Variants in PLXDC1 observed in about 807,000 individuals in gnomAD.
The protein encoded by PLXDC1 is plexin domain-containing protein 1.
PLXDC1 carries 39 observed loss-of-function variants against 61.3 expected under a neutral mutation model. The ratio of observed to expected loss-of-function variants is 0.64; its 90% CI spans 0.49 to 0.83. The LOEUF is 0.83. Ranked by LOEUF, PLXDC1 falls within the 40% of genes least tolerant of loss-of-function variation. The pLI is 0.00. For missense variants in PLXDC1, 596 were observed against 666.5 expected (o/e 0.89, Z 1.17); for synonymous variants, 212 against 254.5 (o/e 0.83, Z 1.59).
intron 2 of PLXDC1, among the ~76,000 whole-genome samples, chr17:39,135,633 T>G (rs902248885): frequency 5.5e-5 from 8 of 145,936 alleles, no homozygotes; most frequent in African/African-American, 2.1e-4. Flanking sequence ...ACCGAGAGAT[T>G]ACACCACTCA....
chr17:39,068,588 A>G (rs1323921620), intron 13 of PLXDC1, among the ~76,000 whole-genome samples: 1 of 152,166 alleles, frequency 6.6e-6, no homozygotes, highest in Non-Finnish European at 1.5e-5. Context: ...GAGGCACCAG[A>G]ATTGCTTGAA....
chr17:39,120,758 A>ATT (rs57148436), intron 2 of PLXDC1, among the ~76,000 whole-genome samples: 6 of 124,358 alleles, frequency 4.8e-5, no homozygotes, highest in South Asian at 2.7e-4. Context: ...CACCCAGCTA[A>ATT]TTTTTTTTTT....
intron 2 of PLXDC1, among the ~76,000 whole-genome samples, chr17:39,114,846 T>A (rs979624980): frequency 6.6e-6 from 1 of 152,116 alleles, no homozygotes; most frequent in Non-Finnish European, 1.5e-5. Context: ...AAGGTCTGGT[T>A]TCAATCAGCC....
chr17:39,145,173 C>T (rs1184706241), intron 1 of PLXDC1, among the ~76,000 whole-genome samples: 1 of 152,162 alleles, frequency 6.6e-6, no homozygotes, highest in East Asian at 1.9e-4. Flanking sequence ...CGGGGTGGGG[C>T]TGGCATGTGG....
At chr17:39,140,332 G>T (rs1567773694) in intron 1 of PLXDC1, among the ~76,000 whole-genome samples, 1 of 134,108 alleles carries the variant, frequency 7.5e-6, no homozygotes, top group Non-Finnish European at 1.6e-5. Flanking sequence ...TTGAAATGGA[G>T]TCTCGCTCTG....
chr17:39,091,158 T>C (rs1909934267), intron 7 of PLXDC1, among the ~76,000 whole-genome samples: 1 of 152,158 alleles, frequency 6.6e-6, no homozygotes, highest in Non-Finnish European at 1.5e-5. Flanking sequence ...GTTTCTTGCT[T>C]TTGCCACCAC....
Position 39,066,542 on chromosome 17 carries a change from A to G in PLXDC1, c.*1298T>C, listed in dbSNP as rs1289740210. On this transcript the variant is annotated 3_prime_UTR_variant, in exon 14 of 14. Coordinates refer to ENST00000315392, the MANE Select transcript of PLXDC1 (RefSeq NM_020405.5). ...ACCTTCTTTAGGCTTTCAGAGCTAC[A>G]GAAGCTGGGGCTAAAATGCCAACTC... The G allele has an allele frequency of 2.0e-5, 3 of 152,120 alleles. No homozygotes were observed. The highest frequency in any genetic ancestry group is 7.2e-5 in the African/African-American group (3 of 41,404). The allele number at this position is 152,120 out of a possible 1,614,324, so 9.4% of individuals were successfully genotyped here. A position where few individuals can be genotyped will look rare whatever the true frequency, so the allele number is the denominator to read the frequency against.
intron 2 of PLXDC1, among the ~76,000 whole-genome samples, chr17:39,110,468 G>C (rs963619288): frequency 6.6e-6 from 1 of 152,212 alleles, no homozygotes; most frequent in Non-Finnish European, 1.5e-5. Flanking sequence ...AGGAGGCCAG[G>C]GAAATGGTTG....
chr17:39,079,703 C>A (rs764159485), intron 9 of PLXDC1: 71 of 375,334 alleles, frequency 1.9e-4, no homozygotes, highest in Middle Eastern at 5.0e-4. Flanking sequence ...CTGGAAGACA[C>A]CAAGCGCCCC....
At chr17:39,132,453 C>T (rs536791340) in intron 2 of PLXDC1, among the ~76,000 whole-genome samples, 2 of 152,188 alleles carry the variant, frequency 1.3e-5, no homozygotes, top group East Asian at 1.9e-4. Context: ...AATCTTGAGT[C>T]TGGACAAGAG....
intron 7 of PLXDC1, among the ~76,000 whole-genome samples, chr17:39,095,477 T>C (rs2143565387): frequency 6.8e-6 from 1 of 147,580 alleles, no homozygotes; most frequent in South Asian, 2.2e-4. Context: ...ACAGATCCTT[T>C]CTGGAACCAA....
rs906959277 is a variant in PLXDC1, at chr17:39,151,347, T to C, written c.76+15A>G. On this transcript the variant is annotated intron_variant, in intron 1 of 13. Coordinates refer to ENST00000315392, the MANE Select transcript of PLXDC1 (RefSeq NM_020405.5). The surrounding 1 kb of genome is among the most constrained non-coding windows in gnomAD (Gnocchi z 5.2). ...CCGCCCCCGGCCCACCCGGGCCGGC[T>C]CCCGCCAGTCCTACCTGCTCCGGGC... 1.6e-6 allele frequency: 2 copies of C among 1,271,436 alleles called. No individual in the cohort carries two copies. The highest frequency in any genetic ancestry group is 3.0e-4 in the Middle Eastern group (1 of 3,342). 78.8% of individuals were successfully genotyped at this position (1,271,436 alleles called of 1,614,324 possible). A position where few individuals can be genotyped will look rare whatever the true frequency, so the allele number is the denominator to read the frequency against.
chr17:39,128,090 T>TATGTGTGTGTGTGTATATATA (rs1567769465), intron 2 of PLXDC1, among the ~76,000 whole-genome samples: 1 of 78,876 alleles, frequency 1.3e-5, no homozygotes, highest in Admixed American at 1.3e-4. Context: ...TCTCTCTCTC[T>TATGTGTGTGTGTGTATATATA]CTATGTGTAT....
At chr17:39,110,139 A>G (rs1222756265) in intron 2 of PLXDC1, among the ~76,000 whole-genome samples, 1 of 151,994 alleles carries the variant, frequency 6.6e-6, no homozygotes, top group Admixed American at 6.6e-5. Context: ...AGAAGGAGAA[A>G]AATCTGGATC....
chr17:39,128,111 A>G lies in PLXDC1; in HGVS notation c.255+11543T>C, dbSNP rs530034388. ...TCTCTCTATGTGTATATATATATAT[A>G]TATGTATATATATATGTGTATATAT... On this transcript the variant is annotated intron_variant, in intron 2 of 13. Transcript: ENST00000315392. Among the ~76,000 whole-genome samples, 9 of 104,644 alleles carry G rather than the reference A, an allele frequency of 8.6e-5. 1 individual carries two copies. The highest frequency in any genetic ancestry group is 4.2e-3 in the Middle Eastern group (1 of 240). The allele number at this position is 104,644 out of a possible 152,430, so 68.7% of individuals were successfully genotyped here. A position where few individuals can be genotyped will look rare whatever the true frequency, so the allele number is the denominator to read the frequency against.
chr17:39,088,981 G>A (rs79217644), intron 7 of PLXDC1, among the ~76,000 whole-genome samples: 16 of 64,498 alleles, frequency 2.5e-4, no homozygotes, highest in African/African-American at 3.8e-4. Flanking sequence ...GAGAGAAAAA[G>A]AAAGAAAGAA....
rs1908831275 is a variant in PLXDC1, at chr17:39,064,755, A to C, written c.*3085T>G. ...TGATAAACCAGGCAAGGAAGAGCTG[A>C]GGGTGGAGTAGGGGGGTGCCGGTGG... On this transcript the variant is annotated 3_prime_UTR_variant, in exon 14 of 14. Coordinates refer to ENST00000315392, the MANE Select transcript of PLXDC1 (RefSeq NM_020405.5). 2 of 152,122 alleles carry C rather than the reference A, an allele frequency of 1.3e-5. No homozygotes were observed. Among genetic ancestry groups the C allele is most frequent in the Admixed American group, 1.3e-4 (2 of 15,264 alleles). The allele number at this position is 152,122 out of a possible 1,614,324, so 9.4% of individuals were successfully genotyped here.
intron 2 of PLXDC1, among the ~76,000 whole-genome samples, chr17:39,127,609 G>A (rs993763247): frequency 1.3e-5 from 2 of 152,024 alleles, no homozygotes; most frequent in African/African-American, 4.8e-5. Flanking sequence ...CAAATGACTT[G>A]AATAGATATT....
chr17:39,135,863 G>A (rs56653413), intron 2 of PLXDC1, among the ~76,000 whole-genome samples: 4,060 of 152,184 alleles, frequency 0.027, 192 homozygotes, highest in African/African-American at 0.093. Flanking sequence ...AATTTGTGGT[G>A]TTTTTTAAGC....
Sources: gnomAD v4.1 joint callset for allele counts (sites outside exome capture counted in the v4.1 genomes callset) on GRCh38, gnomAD v4.1.1 for gene constraint, Gnocchi (gnomAD v3.1) non-coding constraint, MANE v1.5 for transcripts, NCBI Gene and HGNC (gene_info 2026-07-23, HGNC 2026-07-21) for gene names.